The following CYP27C1 variants were observed in gnomAD, a reference collection of about 807,000 sequenced individuals.
CYP27C1 encodes cytochrome P450 family 27 subfamily C member 1, also known as cytochrome P450 27C1.
CYP27C1 carries 29 observed loss-of-function variants against 40.6 expected under a neutral mutation model. That is an observed-to-expected ratio of 0.71 (90% CI 0.53 to 0.97). CYP27C1 has a LOEUF of 0.97. Ranked by LOEUF, CYP27C1 falls within the 50% of genes least tolerant of loss-of-function variation. CYP27C1 has a pLI of 0.00. For missense variants in CYP27C1, 390 were observed against 485.8 expected (o/e 0.80, Z 1.85); for synonymous variants, 198 against 186.8 (o/e 1.06, Z -0.49).
In CYP27C1 at chr2:127,186,106, G is replaced by A. The variant is rs896160844; in HGVS notation, c.*1165C>T. 6.6e-6 allele frequency: 1 copy of A among 152,068 alleles called. No individual in the cohort carries two copies. Among genetic ancestry groups the A allele is most frequent in the Non-Finnish European group, 1.5e-5 (1 of 67,998 alleles). 9.4% of individuals were successfully genotyped at this position (152,068 alleles called of 1,614,324 possible). ...CTAAAGTTACATTGTTTTCCATGCTGCCTGTTTTATTACTTCTCACAACTT... is the reference window on the plus strand; with the variant it reads ...CTAAAGTTACATTGTTTTCCATGCTACCTGTTTTATTACTTCTCACAACTT... On this transcript the variant is annotated 3_prime_UTR_variant, in exon 9 of 9. Coordinates refer to ENST00000664447, the MANE Select transcript of CYP27C1 (RefSeq NM_001367502.1). This position sits in a 1 kb window ranked among gnomAD's most constrained non-coding sequence, Gnocchi z 4.5.
rs999077685 is a variant in CYP27C1 at position 127,205,923 on chromosome 2, C to T, written c.450G>A (p.Gly150=). 2.0e-5 allele frequency among the ~76,000 whole-genome samples: 3 copies of T among 152,206 alleles called. No homozygotes were observed. The highest frequency in any genetic ancestry group is 4.4e-5 in the Non-Finnish European group (3 of 68,024). The change falls in exon 2 of 9, where the codon GGG becomes GGA. Residue 150 remains glycine (G), a synonymous_variant. Coordinates refer to ENST00000664447, the MANE Select transcript of CYP27C1 (RefSeq NM_001367502.1). ...ACGCCGAGATGAGCCCGGTGGCTCTCCCCCGCAAGTCTCGGTACTCCCGCC... is the reference window on the plus strand; with the variant it reads ...ACGCCGAGATGAGCCCGGTGGCTCTTCCCCGCAAGTCTCGGTACTCCCGCC... ...ESWREYRDLR[G]RATGLISAEG...
chr2:127,208,622 G>A lies in CYP27C1; in HGVS notation c.283-2532C>T, dbSNP rs1683279188. Among the ~76,000 whole-genome samples, 14 of 152,316 alleles carry A rather than the reference G, an allele frequency of 9.2e-5. No homozygotes were observed. The South Asian group carries it at 2.9e-3, about 32-fold the overall frequency. ...GGCTAAGCTCCCTGGGTTGGGGAAG[G>A]GTGGCACCCATTTCTATAGCTCCAG... On this transcript the variant is annotated intron_variant, in intron 1 of 8. Transcript: ENST00000664447. The surrounding 1 kb of genome is among the most constrained non-coding windows in gnomAD (Gnocchi z 5.2).
chr2:127,204,531 A>AGAG lies in CYP27C1; in HGVS notation c.474-961_474-960insCTC. Among the ~76,000 whole-genome samples the AGAG allele has an allele frequency of 4.3e-5, 2 of 46,166 alleles. 1 individual carries two copies. The highest frequency in any genetic ancestry group is 8.3e-5 in the Non-Finnish European group (2 of 23,970). 30.3% of individuals were successfully genotyped at this position (46,166 alleles called of 152,430 possible). ...AAAGAAAGAAGGAAAGAAAGAAAGA[A>AGAG]AGAAAGAGAGAGAGAGAGAGAGAGA... On this transcript the variant is annotated intron_variant, in intron 2 of 8. Transcript: ENST00000664447.
In CYP27C1 at chr2:127,215,197, T is replaced by C. The variant is rs182716171; in HGVS notation, c.282+4792A>G. Among the ~76,000 whole-genome samples the C allele has an allele frequency of 3.9e-4, 59 of 151,854 alleles. No individual in the cohort carries two copies. The East Asian group carries it at 0.01, about 26-fold the overall frequency. ...AGACAGTGCAGTAATGGCATAATCATTGGCTTAGATTTAAGACTCAAACAT... is the reference window on the plus strand; with the variant it reads ...AGACAGTGCAGTAATGGCATAATCACTGGCTTAGATTTAAGACTCAAACAT... On this transcript the variant is annotated intron_variant, in intron 1 of 8. Coordinates refer to ENST00000664447, the MANE Select transcript of CYP27C1 (RefSeq NM_001367502.1).
chr2:127,204,504 G>GGAAA (rs1316766392), intron 2 of CYP27C1, among the ~76,000 whole-genome samples: 1 of 57,030 alleles, frequency 1.8e-5, no homozygotes, highest in African/African-American at 5.9e-5. Flanking sequence ...AAGGAAGGAA[G>GGAAA]GAAAGAAAGA....
rs1365676911 is a variant in CYP27C1 at position 127,204,614 on chromosome 2, AAAGAAAGAAAG to A, written c.474-1054_474-1044del. Among the ~76,000 whole-genome samples the A allele has an allele frequency of 8.2e-3, 852 of 104,112 alleles. 38 individuals are homozygous for A. Among genetic ancestry groups the A allele is most frequent in the African/African-American group, 0.015 (371 of 25,056 alleles). The allele number at this position is 104,112 out of a possible 152,430, so 68.3% of individuals were successfully genotyped here. A position where few individuals can be genotyped will look rare whatever the true frequency, so the allele number is the denominator to read the frequency against. ...GAAAGAAAGAAAGAAAGAAAGAAAG[AAAGAAAGAAAG>A]AAGACTGCAGCTTGTTACCAGGGTG... On this transcript the variant is annotated intron_variant, in intron 2 of 8. Transcript: ENST00000664447.
intron 1 of CYP27C1, among the ~76,000 whole-genome samples, chr2:127,211,386 T>TTTTTTTTTTTTTTTTTTTTTTTTTG (rs1558933917): frequency 8.0e-6 from 1 of 124,970 alleles, no homozygotes; most frequent in Non-Finnish European, 1.7e-5. Context: ...TTTTTTTTTT[T>TTTTTTTTTTTTTTTTTTTTTTTTTG]TTTTTTTTTT....
rs771975599 is a variant in CYP27C1 at position 127,203,414 on chromosome 2, C to T, written c.631G>A (p.Val211Met). 6.8e-6 allele frequency: 11 copies of T among 1,613,600 alleles called. No homozygotes were observed. The highest frequency in any genetic ancestry group is 6.7e-5 in the Admixed American group (4 of 59,924). Residue 211 changes from valine to methionine, a missense_variant, in exon 3 of 9, where the codon GTG becomes ATG. By Grantham distance (21) the Val-to-Met change is conservative (BLOSUM62 1). Transcript: ENST00000664447. ...AAGAAAAGATCATTGACATTGGTCA[C>T]GGTTTCTCCATCTTCTGCCTGGCTC... ...LRSQAEDGET[V>M]TNVNDLFFKY...
In CYP27C1 at chr2:127,195,392, G is replaced by A. The variant is rs779635468; in HGVS notation, c.1157C>T (p.Thr386Ile). 3.1e-6 allele frequency: 5 copies of A among 1,614,060 alleles called. No homozygotes were observed. The African/African-American group carries it at 6.7e-5, about 22-fold the overall frequency. The change falls in exon 6 of 9, where the codon ACT (threonine) becomes ATT (isoleucine). Residue 386 changes from threonine (T) to isoleucine (I), a missense_variant. Transcript: ENST00000664447. This position sits in a 1 kb window ranked among gnomAD's most constrained non-coding sequence, Gnocchi z 6.2. ...VKNLGERHVP[T>I]AADVPKVPLV... ...CGGGACCTTGGGGACATCAGCTGCA[G>A]TTGGAACATGCCTTTCCCCTAAATT...
rs1306885720 is a variant in CYP27C1, at chr2:127,200,030, A to G, written c.884-491T>C. Among the ~76,000 whole-genome samples, 1 of 152,224 alleles carries G rather than the reference A, an allele frequency of 6.6e-6. No homozygotes were observed. Among genetic ancestry groups the G allele is most frequent in the Non-Finnish European group, 1.5e-5 (1 of 68,050 alleles). On this transcript the variant is annotated intron_variant, in intron 4 of 8. Coordinates refer to ENST00000664447, the MANE Select transcript of CYP27C1 (RefSeq NM_001367502.1). The surrounding 1 kb of genome is among the most constrained non-coding windows in gnomAD (Gnocchi z 4.2). ...AGGCTCGCTCTGTGGCCCAGGCTGG[A>G]GTGCAGTGGCAGGATCTCGGCTCAC... is the stretch of plus-strand genomic sequence containing the variant.
chr2:127,217,850 G>A (rs979742798), intron 1 of CYP27C1, among the ~76,000 whole-genome samples: 1 of 152,226 alleles, frequency 6.6e-6, no homozygotes, highest in Non-Finnish European at 1.5e-5. Context: ...GCAACCTGGA[G>A]AGCGGGAAGA....
intron 1 of CYP27C1, among the ~76,000 whole-genome samples, chr2:127,211,838 G>A (rs932812108): frequency 1.5e-4 from 22 of 151,704 alleles, no homozygotes; most frequent in African/African-American, 5.3e-4. Context: ...AAATAACTAA[G>A]ATCAGAGAAA....
chr2:127,199,340 T>C (rs1422202364), intron 5 of CYP27C1, 36 bp downstream of exon 5: 8 of 1,606,752 alleles, frequency 5.0e-6, no homozygotes, highest in Non-Finnish European at 6.8e-6. Flanking sequence ...GGGGTTATCG[T>C]GTGTTGCTTG....
chr2:127,210,657 T>C (rs1396974648), intron 1 of CYP27C1, among the ~76,000 whole-genome samples: 1 of 145,908 alleles, frequency 6.9e-6, no homozygotes, highest in Admixed American at 6.9e-5. Flanking sequence ...AATAAAGGGA[T>C]GGAGGAAAAT....
At chr2:127,204,485 AAAGGAAGGAAGGAAGGAAG>A (rs1683144165) in intron 2 of CYP27C1, among the ~76,000 whole-genome samples, 5 of 60,196 alleles carry the variant, frequency 8.3e-5, no homozygotes, top group Admixed American at 2.3e-4. Flanking sequence ...AGAAAGAAAG[AAAGGAAGGAAGGAAGGAAG>A]GAAAGAAAGA....
chr2:127,209,991 A>G lies in CYP27C1; in HGVS notation c.283-3901T>C, dbSNP rs1403228139. On this transcript the variant is annotated intron_variant, in intron 1 of 8. Coordinates refer to ENST00000664447, the MANE Select transcript of CYP27C1 (RefSeq NM_001367502.1). This position sits in a 1 kb window ranked among gnomAD's most constrained non-coding sequence, Gnocchi z 4.1. ...CCTCAACCTAGCAAGACAGGCCAAC[A>G]TGCAAATTCAGAAAATACAGAGAAC... Among the ~76,000 whole-genome samples the G allele has an allele frequency of 3.3e-5, 5 of 152,214 alleles. No homozygotes were observed. The highest frequency in any genetic ancestry group is 1.2e-4 in the African/African-American group (5 of 41,456).
rs1231458299 is a variant in CYP27C1, at chr2:127,219,302, C to T, written c.282+687G>A. 6.6e-6 allele frequency among the ~76,000 whole-genome samples: 1 copy of T among 152,072 alleles called. No homozygotes were observed. The highest frequency in any genetic ancestry group is 2.4e-5 in the African/African-American group (1 of 41,418). On this transcript the variant is annotated intron_variant, in intron 1 of 8. Transcript: ENST00000664447. This position sits in a 1 kb window ranked among gnomAD's most constrained non-coding sequence, Gnocchi z 8.7. ...TCCCGCCAGCTCTCCACTCCCAGGC[C>T]CCGGCGGCGTCCACCAGGCGCCCGC... is the stretch of plus-strand genomic sequence containing the variant.
At position 127,196,744 on chromosome 2, in the gene CYP27C1, A is replaced by G. The variant is rs373735602; in HGVS notation, c.1048-1243T>C. Reference sequence around the variant, plus strand: ...GGAAAAAATGTGGTATATCCATACAATGGAATACTACTTAGTAATAAAAAA... The same window carrying G: ...GGAAAAAATGTGGTATATCCATACAGTGGAATACTACTTAGTAATAAAAAA... On this transcript the variant is annotated intron_variant, in intron 5 of 8. Transcript: ENST00000664447. The surrounding 1 kb of genome is among the most constrained non-coding windows in gnomAD (Gnocchi z 4.5). Among the ~76,000 whole-genome samples, 18 of 152,338 alleles carry G rather than the reference A, an allele frequency of 1.2e-4. No homozygotes were observed. Among genetic ancestry groups the G allele is most frequent in the African/African-American group, 4.3e-4 (18 of 41,574 alleles).
At chr2:127,216,091 G>A (rs1334595581) in intron 1 of CYP27C1, among the ~76,000 whole-genome samples, 3 of 152,136 alleles carry the variant, frequency 2.0e-5, no homozygotes, top group African/African-American at 7.2e-5. Context: ...GATAATGGTG[G>A]GGATGTAAAA....
Sources: allele counts gnomAD v4.1 joint callset (sites outside exome capture counted in the v4.1 genomes callset), GRCh38; gene constraint gnomAD v4.1.1; non-coding constraint Gnocchi (gnomAD v3.1); transcripts MANE v1.5; gene names NCBI Gene and HGNC (gene_info 2026-07-23, HGNC 2026-07-21).